Variants in MYO5C observed in about 807,000 individuals in gnomAD.
MYO5C encodes the protein unconventional myosin-Vc.
MYO5C carries 194 observed loss-of-function variants against 235.7 expected under a neutral mutation model. That is an observed-to-expected ratio of 0.82 (90% confidence interval 0.73 to 0.93). MYO5C has a LOEUF of 0.93. MYO5C is among the 40% of genes least tolerant of loss of function. The pLI, the probability that MYO5C is intolerant of heterozygous loss-of-function variation, is 0.00. For missense variants in MYO5C, 2,038 were observed against 2,127.2 expected (o/e 0.96, Z 0.82); for synonymous variants, 707 against 754.8 (o/e 0.94, Z 1.04).
intron 33 of MYO5C, among the ~76,000 whole-genome samples, chr15:52,214,390 G>A (rs576872724): frequency 7.2e-5 from 11 of 152,296 alleles, no homozygotes; most frequent in African/African-American, 2.2e-4. Flanking sequence ...TGTCTCTTGC[G>A]AGTACATGAA....
chr15:52,275,809 G>A lies in MYO5C; in HGVS notation c.450-91C>T, dbSNP rs1399149432. 7 of 1,270,102 alleles carry A rather than the reference G, an allele frequency of 5.5e-6. No individual in the cohort carries two copies. In the African/African-American group the frequency reaches 1.0e-4, roughly 19 times the overall value. The allele number at this position is 1,270,102 out of a possible 1,614,324, so 78.7% of individuals were successfully genotyped here. On this transcript the variant is annotated intron_variant, in intron 4 of 40. Transcript: ENST00000261839. The stretch of plus-strand genomic sequence containing the variant: ...AGACAAATGTGGACAAGACAAAAGA[G>A]GGAAACTGTTTTGTCACTCTACTAT...
rs779307658 is a variant in MYO5C, at chr15:52,272,688, A to G, written c.642T>C (p.Asn214=). The part of the protein sequence containing the change: ...VGNAKTTRND[N]SSRFGKYTEI... ...CTGTGTATTTCCCAAACCGACTACT[A>G]TTGTCATTGCGGGTGGTCTTGGCAT... The change falls in exon 6 of 41, where the codon AAT becomes AAC. Residue 214 remains asparagine (N), a synonymous_variant. Transcript: ENST00000261839. 1 of 1,614,142 alleles carries G rather than the reference A, an allele frequency of 6.2e-7. No individual in the cohort carries two copies. Among genetic ancestry groups the G allele is most frequent in the South Asian group, 1.1e-5 (1 of 91,058 alleles).
chr15:52,227,332 C>A (rs1273380316), intron 25 of MYO5C, among the ~76,000 whole-genome samples: 1 of 149,714 alleles, frequency 6.7e-6, no homozygotes, highest in Non-Finnish European at 1.5e-5. Flanking sequence ...GTAGCTGGGA[C>A]TACAGGTGTG....
chr15:52,221,499 T>C (rs952847765), intron 29 of MYO5C, among the ~76,000 whole-genome samples: 3 of 152,218 alleles, frequency 2.0e-5, no homozygotes, highest in Admixed American at 1.3e-4. Context: ...GAGAGAAGGA[T>C]GTGTACATGT....
At chr15:52,202,973 T>C (rs545153282) in intron 38 of MYO5C, among the ~76,000 whole-genome samples, 1 of 150,630 alleles carries the variant, frequency 6.6e-6, no homozygotes, top group Non-Finnish European at 1.5e-5. Flanking sequence ...CAGGCTGGAG[T>C]GCTGAGGCGC....
chr15:52,244,749 TG>T (rs1364098676), intron 18 of MYO5C, among the ~76,000 whole-genome samples, 182 bp from the exon 19 acceptor site: 5 of 152,160 alleles, frequency 3.3e-5, no homozygotes, highest in African/African-American at 1.2e-4. Flanking sequence ...AAAATTACCC[TG>T]GAGGAAGAAA....
At chr15:52,278,402 T>G (rs566471057) in intron 4 of MYO5C, among the ~76,000 whole-genome samples, 1 of 152,158 alleles carries the variant, frequency 6.6e-6, no homozygotes, top group South Asian at 2.1e-4. Flanking sequence ...TTCATACATG[T>G]GCACTAGTGA....
At chr15:52,275,810 GGAAACTGT>G in intron 4 of MYO5C, 92 bp from the exon 5 acceptor site, 1 of 1,245,354 alleles carries the variant, frequency 8.0e-7, no homozygotes, top group South Asian at 1.3e-5. Flanking sequence ...GACAAAAGAG[GGAAACTGT>G]TTTGTCACTC....
chr15:52,272,502 C>A, intron 6 of MYO5C, 78 bp downstream of exon 6: 1 of 1,397,728 alleles, frequency 7.2e-7, no homozygotes, highest in South Asian at 1.3e-5. Context: ...CATAGTGTAG[C>A]TTGCCTGAGT....
At chr15:52,202,722 T>C (rs2035216287) in intron 38 of MYO5C, among the ~76,000 whole-genome samples, 1 of 152,192 alleles carries the variant, frequency 6.6e-6, no homozygotes, top group African/African-American at 2.4e-5. Flanking sequence ...TACCCCTTTC[T>C]ATCTGAAAAC....
intron 7 of MYO5C, among the ~76,000 whole-genome samples, chr15:52,271,389 C>T (rs1420660244): frequency 2.0e-5 from 3 of 152,040 alleles, no homozygotes; most frequent in East Asian, 1.9e-4. Flanking sequence ...CCACCACACC[C>T]GGTTAATTTT....
intron 11 of MYO5C, among the ~76,000 whole-genome samples, chr15:52,255,838 G>T (rs2036567370): frequency 6.8e-6 from 1 of 147,612 alleles, no homozygotes; most frequent in South Asian, 2.1e-4. Context: ...GGTATACACA[G>T]TATACACTCA....
At chr15:52,221,101 T>C (rs2035671365) in intron 30 of MYO5C, 61 bp downstream of exon 30, 2 of 1,323,444 alleles carry the variant, frequency 1.5e-6, no homozygotes, top group Non-Finnish European at 1.1e-6. Flanking sequence ...GACATTTCAA[T>C]GTCATTTCCG....
chr15:52,258,059 C>CA (rs2036619641), intron 10 of MYO5C, among the ~76,000 whole-genome samples: 1 of 152,202 alleles, frequency 6.6e-6, no homozygotes, highest in Non-Finnish European at 1.5e-5. Context: ...AAAAGGGTCT[C>CA]ACTGAGCTCT....
chr15:52,277,741 C>A, intron 4 of MYO5C: 1 of 419,680 alleles, frequency 2.4e-6, no homozygotes, highest in Non-Finnish European at 4.7e-6. Flanking sequence ...ACCCCAGGGA[C>A]AGGGAGCTGC....
At position 52,271,904 on chromosome 15, in the gene MYO5C, G is replaced by A. The variant is rs1434985359; in HGVS notation, c.751-60C>T. The A allele has an allele frequency of 4.6e-6, 5 of 1,087,564 alleles. No homozygotes were observed. In the East Asian group the frequency reaches 9.9e-5, roughly 22 times the overall value. 67.4% of individuals were successfully genotyped at this position (1,087,564 alleles called of 1,614,324 possible). A position where few individuals can be genotyped will look rare whatever the true frequency, so the allele number is the denominator to read the frequency against. ...AAATCCTTACAAGCAAAAATGCCAG[G>A]TTTTTAACTAGAGGGTCCTAGATAT... On this transcript the variant is annotated intron_variant, in intron 6 of 40. Coordinates refer to ENST00000261839, the MANE Select transcript of MYO5C (RefSeq NM_018728.4).
At chr15:52,264,347 A>G in intron 8 of MYO5C, 51 bp from the exon 9 acceptor site, 1 of 1,388,652 alleles carries the variant, frequency 7.2e-7, no homozygotes, top group Non-Finnish European at 1.0e-6. Context: ...TTCTCTGACT[A>G]GTAAGATGGG....
In MYO5C at chr15:52,275,674, G is replaced by C; in HGVS notation, c.494C>G (p.Ala165Gly). ...QSIIVSGESG[A>G]GKTVSARYAM... ...ATAGCGAGCCGACACTGTCTTTCCA[G>C]CACCTGACTCCCCACTTACAATTAT... The change falls in exon 5 of 41, where the codon GCT (alanine) becomes GGT (glycine). Residue 165 changes from alanine (A) to glycine (G), a missense_variant. Physicochemically the swap from Ala to Gly is moderately conservative, Grantham distance 60 (BLOSUM62 0). Transcript: ENST00000261839. 1 of 1,614,192 alleles carries C rather than the reference G, an allele frequency of 6.2e-7. No individual in the cohort carries two copies. The highest frequency in any genetic ancestry group is 8.5e-7 in the Non-Finnish European group (1 of 1,180,032).
intron 10 of MYO5C, among the ~76,000 whole-genome samples, chr15:52,257,361 G>A (rs1449230702): frequency 6.6e-6 from 1 of 152,218 alleles, no homozygotes; most frequent in African/African-American, 2.4e-5. Context: ...AGTTGCCTTG[G>A]AGTTGCAAGC....
Sources: allele counts gnomAD v4.1 joint callset (sites outside exome capture counted in the v4.1 genomes callset), GRCh38; gene constraint gnomAD v4.1.1; transcripts MANE v1.5; gene names NCBI Gene and HGNC (gene_info 2026-07-23, HGNC 2026-07-21).